The following RFX4 variants were observed in gnomAD, a reference collection of about 807,000 sequenced individuals.
RFX4 encodes the protein regulatory factor X4.
A neutral mutation model predicts 95.0 loss-of-function variants in RFX4; 10 were observed. The observed-to-expected ratio is 0.11, with a 90% confidence interval of 0.06 to 0.18. The LOEUF (loss-of-function observed/expected upper bound fraction) is 0.18. Ranked by LOEUF, RFX4 falls within the 10% of genes least tolerant of loss-of-function variation. The pLI is 1.00. For synonymous variants in RFX4, 321 were observed against 340.7 expected (o/e 0.94, Z 0.64); for missense variants, 640 against 922.0 (o/e 0.69, Z 3.96).
intron 2 of RFX4, among the ~76,000 whole-genome samples, chr12:106,625,657 A>G (rs2040282691): frequency 6.6e-6 from 1 of 152,198 alleles, no homozygotes; most frequent in Admixed American, 6.5e-5. Flanking sequence ...AATTTCTGCA[A>G]AAGTTGGGCC....
intron 2 of RFX4, among the ~76,000 whole-genome samples, chr12:106,613,169 T>A (rs1358746301): frequency 1.3e-5 from 2 of 150,618 alleles, no homozygotes; most frequent in African/African-American, 4.9e-5. Flanking sequence ...TCAGTTGAGA[T>A]GGTTATGTAG....
intron 2 of RFX4, among the ~76,000 whole-genome samples, chr12:106,636,390 CAA>C (rs34305367): frequency 1.7e-4 from 13 of 76,830 alleles, no homozygotes; most frequent in Admixed American, 5.6e-4. Context: ...AACTCTGTCT[CAA>C]AAAAAAAAAA....
chr12:106,699,351 G>A (rs1364793564), intron 8 of RFX4, among the ~76,000 whole-genome samples: 4 of 152,040 alleles, frequency 2.6e-5, no homozygotes, highest in Non-Finnish European at 5.9e-5. Flanking sequence ...TGTTCTATGT[G>A]TACCTGAAAA....
intron 8 of RFX4, among the ~76,000 whole-genome samples, chr12:106,703,033 C>A (rs1470148769): frequency 1.3e-5 from 2 of 152,206 alleles, no homozygotes; most frequent in African/African-American, 4.8e-5. Context: ...TCTATACTCT[C>A]ATGGTAGTTC....
intron 2 of RFX4, among the ~76,000 whole-genome samples, chr12:106,609,178 C>T (rs545826444): frequency 5.3e-5 from 8 of 152,282 alleles, no homozygotes; most frequent in South Asian, 2.1e-4. Flanking sequence ...ACGCTCTAGG[C>T]GGGCAAATGT....
chr12:106,741,840 C>T (rs2042809705), intron 15 of RFX4, among the ~76,000 whole-genome samples: 1 of 152,132 alleles, frequency 6.6e-6, no homozygotes, highest in Admixed American at 6.6e-5. Flanking sequence ...ACTGTTCCAC[C>T]TCAGATCATC....
chr12:106,686,857 C>A (rs746066487), intron 5 of RFX4, 27 bp from the exon 6 acceptor site: 8 of 1,562,658 alleles, frequency 5.1e-6, no homozygotes, highest in South Asian at 2.3e-5. Flanking sequence ...TTTTTTCTCT[C>A]TCTCCCTCCC....
chr12:106,600,954 C>T (rs553272491), intron 1 of RFX4, among the ~76,000 whole-genome samples: 8 of 152,334 alleles, frequency 5.3e-5, no homozygotes, highest in Non-Finnish European at 8.8e-5. Flanking sequence ...TCTCTGTCTC[C>T]GCCACAGAAT....
intron 1 of RFX4, among the ~76,000 whole-genome samples, chr12:106,607,063 G>A (rs76663011): frequency 0.03 from 4,623 of 152,184 alleles, 172 homozygotes; most frequent in African/African-American, 0.088. Flanking sequence ...CAGAGGGCCT[G>A]GCATGTTCAA....
chr12:106,609,760 T>C (rs2039918361), intron 2 of RFX4, among the ~76,000 whole-genome samples: 1 of 152,076 alleles, frequency 6.6e-6, no homozygotes, highest in African/African-American at 2.4e-5. Context: ...TTTCTTTACA[T>C]ATTGTATCCA....
intron 1 of RFX4, among the ~76,000 whole-genome samples, chr12:106,593,310 G>A (rs1428441029): frequency 1.3e-5 from 2 of 152,214 alleles, no homozygotes; most frequent in African/African-American, 4.8e-5. Flanking sequence ...CTACCCAGTA[G>A]TTGTGCTAAA....
At chr12:106,719,370 G>A (rs2042355392) in intron 11 of RFX4, among the ~76,000 whole-genome samples, 1 of 152,196 alleles carries the variant, frequency 6.6e-6, no homozygotes, top group Non-Finnish European at 1.5e-5. Context: ...TGGGCAGAGA[G>A]CAAGAGAGCA....
intron 2 of RFX4, among the ~76,000 whole-genome samples, chr12:106,614,736 C>T (rs1437479915): frequency 1.3e-5 from 2 of 151,902 alleles, no homozygotes; most frequent in Non-Finnish European, 2.9e-5. Flanking sequence ...GTCTCGATCT[C>T]CTGACCTCGT....
chr12:106,667,147 C>T (rs2137355830), intron 4 of RFX4, among the ~76,000 whole-genome samples: 1 of 152,120 alleles, frequency 6.6e-6, no homozygotes, highest in East Asian at 1.9e-4. Flanking sequence ...TTTTCCCTCC[C>T]CTCTTAGATG....
At position 106,586,982 on chromosome 12, in the gene RFX4, C is replaced by A. The variant is rs76215932; in HGVS notation, c.43+3619C>A. On this transcript the variant is annotated intron_variant, in intron 1 of 17. Transcript: ENST00000392842. The surrounding 1 kb of genome is among the most constrained non-coding windows in gnomAD (Gnocchi z 5.6). ...CGCCCTCCCCGGGCGTGTGTGTGTG[C>A]GCGCGCGCGGGCGAACGGGGCATGT... 6.6e-6 allele frequency among the ~76,000 whole-genome samples: 1 copy of A among 152,058 alleles called. No individual in the cohort carries two copies. The highest frequency in any genetic ancestry group is 1.9e-4 in the East Asian group (1 of 5,172).
intron 15 of RFX4, among the ~76,000 whole-genome samples, chr12:106,741,803 A>AG (rs2042808354): frequency 6.6e-6 from 1 of 152,140 alleles, no homozygotes; most frequent in South Asian, 2.1e-4. Flanking sequence ...ACTGGGGAAG[A>AG]GGTGGGGGGG....
At position 106,609,817 on chromosome 12, in the gene RFX4, C is replaced by T. The variant is rs562763012; in HGVS notation, c.130+934C>T. 2.0e-5 allele frequency among the ~76,000 whole-genome samples: 3 copies of T among 152,220 alleles called. No homozygotes were observed. The South Asian group carries it at 6.2e-4, about 32-fold the overall frequency. Reference sequence around the variant, plus strand: ...AAAGATATAGAACCTTTCTTGTCCCCCAGGAGGCTTCCTCATGTCTCCTCC... The same window carrying T: ...AAAGATATAGAACCTTTCTTGTCCCTCAGGAGGCTTCCTCATGTCTCCTCC... On this transcript the variant is annotated intron_variant, in intron 2 of 17. Coordinates refer to ENST00000392842, the MANE Select transcript of RFX4 (RefSeq NM_213594.3).
chr12:106,640,249 A>T lies in RFX4; in HGVS notation c.191+857A>T, dbSNP rs115484674. The stretch of plus-strand genomic sequence containing the variant: ...ATTTGCCTGAATAGCCACACAGCCA[A>T]TCAGTGGCAGAGGCAGGAAGTGGCT... On this transcript the variant is annotated intron_variant, in intron 3 of 17. Transcript: ENST00000392842. Among the ~76,000 whole-genome samples, 986 of 152,338 alleles carry T rather than the reference A, an allele frequency of 6.5e-3. 14 individuals are homozygous for T. Among genetic ancestry groups the T allele is most frequent in the African/African-American group, 0.023 (956 of 41,580 alleles).
Position 106,720,960 on chromosome 12 carries a change from G to A in RFX4, c.1351+84G>A. On this transcript the variant is annotated intron_variant, in intron 13 of 17. Coordinates refer to ENST00000392842, the MANE Select transcript of RFX4 (RefSeq NM_213594.3). This position sits in a 1 kb window ranked among gnomAD's most constrained non-coding sequence, Gnocchi z 4.2. Reference sequence around the variant, plus strand: ...AGAGGAATCTACCACAGTCTAACTTGCTGTTTCTGCAAGGTCATCACCCTG... The same window carrying A: ...AGAGGAATCTACCACAGTCTAACTTACTGTTTCTGCAAGGTCATCACCCTG... 8.5e-7 allele frequency: 1 copy of A among 1,176,712 alleles called. No individual in the cohort carries two copies. 72.9% of individuals were successfully genotyped at this position (1,176,712 alleles called of 1,614,324 possible). A position where few individuals can be genotyped will look rare whatever the true frequency, so the allele number is the denominator to read the frequency against.
Sources: gnomAD v4.1 joint callset for allele counts (sites outside exome capture counted in the v4.1 genomes callset) on GRCh38, gnomAD v4.1.1 for gene constraint, Gnocchi (gnomAD v3.1) non-coding constraint, MANE v1.5 for transcripts, NCBI Gene and HGNC (gene_info 2026-07-23, HGNC 2026-07-21) for gene names.